PRKCB: variants seen among roughly 807,000 people sequenced by gnomAD.
PRKCB encodes the protein protein kinase C beta.
PRKCB carries 13 observed loss-of-function variants against 81.5 expected under a neutral mutation model. That is an observed-to-expected ratio of 0.16 (90% CI 0.10 to 0.25). The LOEUF (loss-of-function observed/expected upper bound fraction) is 0.25. PRKCB is among the 10% of genes least tolerant of loss of function. PRKCB has a pLI of 1.00. For missense variants in PRKCB, 509 were observed against 875.7 expected (o/e 0.58, Z 5.29); for synonymous variants, 335 against 321.4 (o/e 1.04, Z -0.45).
Position 24,219,363 on chromosome 16 carries a change from T to G in PRKCB, c.*4547T>G. ...TGCTAAAAATGTCTTTGGAGAGAAC[T>G]TCTGCCTGATAAACACCCAATTCTA... On this transcript the variant is annotated 3_prime_UTR_variant, in exon 17 of 17. Transcript: ENST00000643927. The G allele has an allele frequency of 4.1e-6, 4 of 985,434 alleles. No individual in the cohort carries two copies. Among genetic ancestry groups the G allele is most frequent in the Non-Finnish European group, 4.8e-6 (4 of 830,050 alleles). The allele number at this position is 985,434 out of a possible 1,614,324, so 61.0% of individuals were successfully genotyped here. A position where few individuals can be genotyped will look rare whatever the true frequency, so the allele number is the denominator to read the frequency against.
chr16:24,026,552 C>G (rs1278888333), intron 3 of PRKCB, among the ~76,000 whole-genome samples: 2 of 152,208 alleles, frequency 1.3e-5, no homozygotes, highest in Non-Finnish European at 2.9e-5. Context: ...AAGTAGAGCT[C>G]ACAAGGCCTT....
At chr16:23,935,530 T>C (rs1360773695) in intron 2 of PRKCB, among the ~76,000 whole-genome samples, 1 of 152,148 alleles carries the variant, frequency 6.6e-6, no homozygotes, top group Non-Finnish European at 1.5e-5. Flanking sequence ...TTTGGGCATA[T>C]ATATCCCTCC....
Position 23,881,836 on chromosome 16 carries a change from C to T in PRKCB, c.205+44430C>T, listed in dbSNP as rs529744960. On this transcript the variant is annotated intron_variant, in intron 2 of 16. Transcript: ENST00000643927. ...GGCAATAACTTCCCATTTCTTCCTCCCCACCGAGCCTCTGGTAACCACCAT... is the reference window on the plus strand; with the variant it reads ...GGCAATAACTTCCCATTTCTTCCTCTCCACCGAGCCTCTGGTAACCACCAT... Among the ~76,000 whole-genome samples, 20 of 151,906 alleles carry T rather than the reference C, an allele frequency of 1.3e-4. No individual in the cohort carries two copies. The East Asian group carries it at 3.5e-3, about 27-fold the overall frequency.
chr16:24,079,233 T>C (rs1432374913), intron 5 of PRKCB, among the ~76,000 whole-genome samples: 1 of 152,230 alleles, frequency 6.6e-6, no homozygotes, highest in Non-Finnish European at 1.5e-5. Flanking sequence ...CTTTTCGGAC[T>C]CAGCCTGCCT....
At chr16:24,117,518 A>G (rs190872276) in intron 8 of PRKCB, among the ~76,000 whole-genome samples, 2 of 152,328 alleles carry the variant, frequency 1.3e-5, no homozygotes, top group East Asian at 3.9e-4. Flanking sequence ...TAATCCTTAC[A>G]ACAACCTAGA....
At position 24,206,303 on chromosome 16, in the gene PRKCB, T is replaced by C. The variant is rs188792727; in HGVS notation, c.1864-8355T>C. Among the ~76,000 whole-genome samples the C allele has an allele frequency of 1.6e-3, 243 of 152,292 alleles. 1 individual carries two copies. The highest frequency in any genetic ancestry group is 5.7e-3 in the African/African-American group (235 of 41,562). Reference sequence around the variant, plus strand: ...TTCGGCTGTGGGAAACTGGAAGGCATAGGAACGACCCTGCATTTCACTGGA... The same window carrying C: ...TTCGGCTGTGGGAAACTGGAAGGCACAGGAACGACCCTGCATTTCACTGGA... On this transcript the variant is annotated intron_variant, in intron 16 of 16. Coordinates refer to ENST00000643927, the MANE Select transcript of PRKCB (RefSeq NM_002738.7).
intron 4 of PRKCB, 68 bp downstream of exon 4, chr16:24,032,315 G>C: frequency 8.5e-7 from 1 of 1,179,372 alleles, no homozygotes; most frequent in Non-Finnish European, 1.2e-6. Flanking sequence ...GCTTCCACTT[G>C]GTTTGGGGTC....
intron 8 of PRKCB, among the ~76,000 whole-genome samples, chr16:24,122,806 T>C (rs1297055100): frequency 1.3e-5 from 2 of 152,124 alleles, no homozygotes; most frequent in African/African-American, 4.8e-5. Flanking sequence ...TAAACGTGAA[T>C]CCAGTAACGA....
At position 24,045,678 on chromosome 16, in the gene PRKCB, T is replaced by C. The variant is rs180868396; in HGVS notation, c.529+10131T>C. Among the ~76,000 whole-genome samples the C allele has an allele frequency of 2.0e-3, 303 of 152,332 alleles. 1 individual carries two copies. The highest frequency in any genetic ancestry group is 3.2e-3 in the Non-Finnish European group (215 of 68,040). ...GGGTGTGGTCTGGGGACCAGCTGCA[T>C]CCCATCGGCATTACCTGGGAGCTCG... is the stretch of plus-strand genomic sequence containing the variant. On this transcript the variant is annotated intron_variant, in intron 5 of 16. Transcript: ENST00000643927.
At chr16:24,032,974 A>G (rs1286146542) in intron 4 of PRKCB, among the ~76,000 whole-genome samples, 2 of 152,176 alleles carry the variant, frequency 1.3e-5, no homozygotes, top group Non-Finnish European at 2.9e-5. Flanking sequence ...TGCAGCACCC[A>G]CAGGTTTGTG....
At chr16:24,150,780 A>G (rs540541344) in intron 9 of PRKCB, among the ~76,000 whole-genome samples, 55 of 152,322 alleles carry the variant, frequency 3.6e-4, no homozygotes, top group African/African-American at 1.0e-3. Context: ...CGCAAAGCCT[A>G]TAATATTTCC....
intron 3 of PRKCB, among the ~76,000 whole-genome samples, chr16:24,016,736 C>T (rs528154150): frequency 2.2e-4 from 34 of 152,248 alleles, no homozygotes; most frequent in Admixed American, 1.1e-3. Flanking sequence ...GTGAATTCCA[C>T]CCCTAGCTCC....
At position 24,035,538 on chromosome 16, in the gene PRKCB, A is replaced by G. The variant is rs775803818; in HGVS notation, c.520A>G (p.Ile174Val). The change falls in exon 5 of 17, where the codon ATT becomes GTT. Residue 174 changes from isoleucine to valine, a missense_variant. Ile to Val is a conservative substitution (Grantham distance 29, BLOSUM62 3). Around this residue, in one of 6 missense-constraint regions of PRKCB, gnomAD observed 184 missense variants for 362.9 expected, o/e 0.51. Transcript: ENST00000643927. Reference protein sequence around the residue: ...IQAHIDRDVLIVLVRDAKNLV... With the variant: ...IQAHIDRDVLVVLVRDAKNLV... ...GGCCCACATCGACAGGGACGTCCTC[A>G]TTGTCCTCGGTAGGTGGCCCTGGGG... 1.3e-6 allele frequency: 2 copies of G among 1,506,322 alleles called. No individual in the cohort carries two copies. Among genetic ancestry groups the G allele is most frequent in the Non-Finnish European group, 1.8e-6 (2 of 1,112,896 alleles). 93.3% of individuals were successfully genotyped at this position (1,506,322 alleles called of 1,614,324 possible).
intron 10 of PRKCB, among the ~76,000 whole-genome samples, chr16:24,161,885 C>T (rs1967261974): frequency 6.6e-6 from 1 of 152,138 alleles, no homozygotes; most frequent in African/African-American, 2.4e-5. Flanking sequence ...TATGTTTCTT[C>T]CATTCCTTTT....
rs190045055 is a variant in PRKCB at position 24,062,139 on chromosome 16, G to T, written c.529+26592G>T. ...AGCATTTGCTGTGTAACAAATTGCT[G>T]CAAGGGTAGTGGGCTTAAAACAACA... is the stretch of plus-strand genomic sequence containing the variant. On this transcript the variant is annotated intron_variant, in intron 5 of 16. Coordinates refer to ENST00000643927, the MANE Select transcript of PRKCB (RefSeq NM_002738.7). Among the ~76,000 whole-genome samples the T allele has an allele frequency of 3.9e-5, 6 of 152,306 alleles. No individual in the cohort carries two copies. In the East Asian group the frequency reaches 1.2e-3, roughly 29 times the overall value.
At chr16:23,910,002 G>A (rs947171732) in intron 2 of PRKCB, among the ~76,000 whole-genome samples, 4 of 152,156 alleles carry the variant, frequency 2.6e-5, no homozygotes, top group South Asian at 2.1e-4. Context: ...GGACAAACAC[G>A]TTCAGTCCAT....
intron 2 of PRKCB, among the ~76,000 whole-genome samples, chr16:23,903,814 A>G (rs1402714931): frequency 6.6e-6 from 1 of 152,118 alleles, no homozygotes; most frequent in Non-Finnish European, 1.5e-5. Flanking sequence ...GGCCCTTGCT[A>G]ACATCCTGTT....
intron 16 of PRKCB, among the ~76,000 whole-genome samples, chr16:24,209,276 C>A (rs1019217060): frequency 1.3e-5 from 2 of 151,950 alleles, no homozygotes; most frequent in Non-Finnish European, 2.9e-5. Flanking sequence ...GCAGTCCCTG[C>A]CACCATCACC....
chr16:24,029,603 C>T (rs879582421), intron 3 of PRKCB, among the ~76,000 whole-genome samples: 4 of 54,784 alleles, frequency 7.3e-5, no homozygotes, highest in African/African-American at 2.3e-4. Flanking sequence ...CAGACTAATA[C>T]AGTATGGAAT....
Sources: allele counts gnomAD v4.1 joint callset (sites outside exome capture counted in the v4.1 genomes callset), GRCh38; gene constraint gnomAD v4.1.1; regional missense constraint gnomAD v4.1.1; transcripts MANE v1.5; gene names NCBI Gene and HGNC (gene_info 2026-07-23, HGNC 2026-07-21).